The following CNGB3 variants were observed in gnomAD, a reference collection of about 807,000 sequenced individuals.
CNGB3 encodes cyclic nucleotide gated channel subunit beta 3, also known as cyclic nucleotide-gated channel beta-3.
Under a neutral mutation model 92.8 loss-of-function variants are expected in CNGB3, and 86 were observed. The observed-to-expected ratio is 0.93, with a 90% CI of 0.78 to 1.11. The LOEUF (loss-of-function observed/expected upper bound fraction) is 1.11. Among genes scored for constraint, CNGB3 ranks in the 50% least tolerant of loss-of-function variants. CNGB3 has a pLI of 0.00. For missense variants in CNGB3, 1,026 were observed against 956.8 expected, an observed-to-expected ratio of 1.07 and a Z score of -0.95; for synonymous variants, 333 against 332.7, an observed-to-expected ratio of 1.00 and a Z score of -0.01.
chr8:86,578,623 T>C, intron 17 of CNGB3, 66 bp downstream of exon 17: 1 of 1,469,306 alleles, frequency 6.8e-7, no homozygotes, highest in Non-Finnish European at 9.5e-7. Flanking sequence ...AGAGTGGGCG[T>C]TTGTGTGTAT....
At chr8:86,730,145 A>G (rs944793702) in intron 2 of CNGB3, among the ~76,000 whole-genome samples, 38 of 152,178 alleles carry the variant, frequency 2.5e-4, no homozygotes, top group African/African-American at 8.7e-4. Context: ...CCTGTGTAAT[A>G]TACTTCCAAT....
At position 86,726,571 on chromosome 8, in the gene CNGB3, C is replaced by A; in HGVS notation, c.298G>T (p.Glu100Ter). 6.2e-7 allele frequency: 1 copy of A among 1,613,848 alleles called. No individual in the cohort carries two copies. Among genetic ancestry groups the A allele is most frequent in the East Asian group, 2.2e-5 (1 of 44,880 alleles). Reference sequence around the variant, plus strand: ...TTCCCGGGGTCCATTTCCTTCTGCTCTGGCACTGTTCCAGTTGGTTCTGCT... The same window carrying A: ...TTCCCGGGGTCCATTTCCTTCTGCTATGGCACTGTTCCAGTTGGTTCTGCT... Reference protein sequence around the residue: ...NAAEPTGTVPEQKEMDPGKEG... With the variant: ...NAAEPTGTVP Residue 100 changes from glutamate (E) to a stop codon, truncating the protein, a stop_gained, in exon 3 of 18, where the codon GAG becomes TAG. Transcript: ENST00000320005. LOFTEE classifies it high-confidence loss of function.
intron 2 of CNGB3, among the ~76,000 whole-genome samples, chr8:86,731,364 C>T (rs1197290739): frequency 2.0e-5 from 3 of 152,054 alleles, no homozygotes; most frequent in Non-Finnish European, 2.9e-5. Context: ...CTCTAGACAG[C>T]CTTAAAGTCC....
chr8:86,619,011 GT>G (rs1822672313), intron 13 of CNGB3, among the ~76,000 whole-genome samples: 1 of 152,244 alleles, frequency 6.6e-6, no homozygotes, highest in Non-Finnish European at 1.5e-5. Context: ...AAAGATCCCA[GT>G]GAGGTGTCCT....
At chr8:86,739,768 T>A in intron 1 of CNGB3, 32 bp from the exon 2 acceptor site, 1 of 1,605,298 alleles carries the variant, frequency 6.2e-7, no homozygotes, top group Non-Finnish European at 8.5e-7. Flanking sequence ...TTGTATGTGA[T>A]GAATTTACAT....
At chr8:86,704,661 G>A (rs1254835143) in intron 3 of CNGB3, among the ~76,000 whole-genome samples, 1 of 152,126 alleles carries the variant, frequency 6.6e-6, no homozygotes, top group African/African-American at 2.4e-5. Context: ...AATGTCAAGG[G>A]CACTGTAGCA....
intron 3 of CNGB3, among the ~76,000 whole-genome samples, chr8:86,705,922 C>T (rs1275448085): frequency 1.3e-5 from 2 of 152,156 alleles, no homozygotes; most frequent in Non-Finnish European, 2.9e-5. Context: ...AAGACAGAAA[C>T]TTTTTGCTGC....
intron 3 of CNGB3, among the ~76,000 whole-genome samples, chr8:86,674,196 C>T (rs1386518764): frequency 6.6e-6 from 1 of 152,132 alleles, no homozygotes; most frequent in Non-Finnish European, 1.5e-5. Context: ...TCTCCAGTGT[C>T]CCAAGATCTG....
At chr8:86,738,177 G>C (rs748970946) in intron 2 of CNGB3, among the ~76,000 whole-genome samples, 1 of 147,196 alleles carries the variant, frequency 6.8e-6, no homozygotes, top group Non-Finnish European at 1.5e-5. Flanking sequence ...AGCATATTCT[G>C]TTCTAGTGAT....
chr8:86,594,431 G>T, intron 15 of CNGB3: 1 of 293,520 alleles, frequency 3.4e-6, no homozygotes, highest in Non-Finnish European at 6.7e-6. Context: ...GAAATCCACT[G>T]TGTGGTGCAT....
chr8:86,729,828 C>T (rs1159782369), intron 2 of CNGB3, among the ~76,000 whole-genome samples: 1 of 152,166 alleles, frequency 6.6e-6, no homozygotes, highest in South Asian at 2.1e-4. Context: ...ATGTTGTCAA[C>T]GGCACATTGT....
At chr8:86,658,519 G>C in intron 6 of CNGB3, 1 of 374,770 alleles carries the variant, frequency 2.7e-6, no homozygotes. Context: ...TGGTCTATGA[G>C]CTGGGTCTGC....
intron 15 of CNGB3, among the ~76,000 whole-genome samples, chr8:86,580,432 A>G (rs891069713): frequency 6.6e-6 from 1 of 152,202 alleles, no homozygotes; most frequent in Non-Finnish European, 1.5e-5. Flanking sequence ...TACAACTCTC[A>G]ACATCAAATG....
intron 11 of CNGB3, among the ~76,000 whole-genome samples, chr8:86,631,490 A>G (rs1187521941): frequency 1.3e-5 from 2 of 152,162 alleles, no homozygotes; most frequent in Admixed American, 6.5e-5. Context: ...ATCTCTTTAA[A>G]CTGGAGTTTT....
At chr8:86,691,025 T>C (rs1229611637) in intron 3 of CNGB3, among the ~76,000 whole-genome samples, 1 of 152,242 alleles carries the variant, frequency 6.6e-6, no homozygotes, top group African/African-American at 2.4e-5. Flanking sequence ...TGGCTTAGGA[T>C]TGACTTGGCA....
intron 2 of CNGB3, 22 bp downstream of exon 2, chr8:86,739,633 T>G: frequency 6.2e-7 from 1 of 1,603,258 alleles, no homozygotes; most frequent in South Asian, 1.1e-5. Context: ...TTTTTTTTTT[T>G]TTTTTCAGAC....
intron 5 of CNGB3, among the ~76,000 whole-genome samples, chr8:86,667,512 G>A (rs1260161608): frequency 6.6e-6 from 1 of 152,204 alleles, no homozygotes; most frequent in Non-Finnish European, 1.5e-5. Context: ...TTAAGTTGCA[G>A]GATTGATTGC....
intron 3 of CNGB3, among the ~76,000 whole-genome samples, chr8:86,708,676 T>C (rs1328303420): frequency 6.6e-6 from 1 of 150,470 alleles, no homozygotes; most frequent in African/African-American, 2.4e-5. Flanking sequence ...CAAGTGATCC[T>C]CTCGCCTCAG....
At chr8:86,635,343 A>G (rs1585983219) in intron 10 of CNGB3, among the ~76,000 whole-genome samples, 2 of 152,262 alleles carry the variant, frequency 1.3e-5, no homozygotes, top group African/African-American at 4.8e-5. Flanking sequence ...TTCCATGATA[A>G]GTGTTGGGAT....
Sources: gnomAD v4.1 joint callset for allele counts (sites outside exome capture counted in the v4.1 genomes callset) on GRCh38, gnomAD v4.1.1 for gene constraint, MANE v1.5 for transcripts, NCBI Gene and HGNC (gene_info 2026-07-23, HGNC 2026-07-21) for gene names.